UTY: variants seen among roughly 807,000 people sequenced by gnomAD.
UTY encodes ubiquitously transcribed tetratricopeptide repeat containing, Y-linked.
A neutral mutation model predicts 32.5 loss-of-function variants in UTY; 12 were observed. That is an observed-to-expected ratio of 0.37 (90% CI 0.24 to 0.60). The LOEUF is 0.60. Ranked by LOEUF, UTY falls within the 20% of genes least tolerant of loss-of-function variation. The pLI is 0.69. For synonymous variants in UTY, 131 were observed against 103.4 expected (o/e 1.27, Z -1.62); for missense variants, 303 against 299.2 (o/e 1.01, Z -0.09).
intron 6 of UTY, among the ~76,000 whole-genome samples, chrY:13,409,617 C>G: frequency 3.0e-5 from 1 of 33,469 alleles, no homozygotes; most frequent in South Asian, 6.6e-4. Flanking sequence ...TCTCTGAAGT[C>G]CTTGGAATAT....
intron 28 of UTY, among the ~76,000 whole-genome samples, chrY:13,253,155 T>A (rs777537947): frequency 3.0e-5 from 1 of 33,471 alleles, no homozygotes; most frequent in South Asian, 6.8e-4. Flanking sequence ...GTGGTGAGTA[T>A]GAAGGGGAGC....
chrY:13,466,345 C>T, intron 3 of UTY, among the ~76,000 whole-genome samples: 2 of 33,144 alleles, frequency 6.0e-5, no homozygotes, highest in South Asian at 6.6e-4. Flanking sequence ...AAAAAAACAC[C>T]GAATTCCTTT....
At chrY:13,364,657 A>G (rs2063916676) in intron 10 of UTY, among the ~76,000 whole-genome samples, 4 of 33,822 alleles carry the variant, frequency 1.2e-4, no homozygotes, top group African/African-American at 2.3e-4. Flanking sequence ...TGGACTATCA[A>G]TGATTCCACA....
chrY:13,335,379 T>C, intron 18 of UTY, among the ~76,000 whole-genome samples, 184 bp downstream of exon 18: 3 of 32,975 alleles, frequency 9.1e-5, no homozygotes, highest in Admixed American at 5.5e-4. Flanking sequence ...ACTTTCAACA[T>C]AATAAATTTC....
chrY:13,464,372 T>TC (rs2077692436), intron 3 of UTY, among the ~76,000 whole-genome samples: 7 of 33,847 alleles, frequency 2.1e-4, no homozygotes, highest in Non-Finnish European at 4.4e-4. Context: ...GGTGGGCCTT[T>TC]CTCTGACTTC....
intron 17 of UTY, among the ~76,000 whole-genome samples, chrY:13,341,968 G>T: frequency 3.0e-5 from 1 of 33,111 alleles, no homozygotes. Flanking sequence ...CCCGAGAAGG[G>T]GACATGACTT....
At chrY:13,375,853 C>G in intron 8 of UTY, among the ~76,000 whole-genome samples, 1 of 33,220 alleles carries the variant, frequency 3.0e-5, no homozygotes, top group Non-Finnish European at 7.4e-5. Context: ...TTGAGTAATA[C>G]GTAAAGTCTG....
intron 27 of UTY, among the ~76,000 whole-genome samples, chrY:13,292,010 T>C (rs957775486): frequency 3.0e-5 from 1 of 33,296 alleles, no homozygotes; most frequent in Non-Finnish European, 7.4e-5. Flanking sequence ...CTGAAAGCCT[T>C]TCCTTTAAGA....
chrY:13,357,556 A>G (rs2063068987), intron 15 of UTY, among the ~76,000 whole-genome samples: 2 of 32,552 alleles, frequency 6.1e-5, no homozygotes, highest in Non-Finnish European at 1.5e-4. Context: ...GTCTCAAAAA[A>G]AAAAAACAAT....
chrY:13,234,632 A>G (rs1287706840), exon 29 of UTY: 1 of 135,138 alleles, frequency 7.4e-6, no homozygotes, highest in East Asian at 1.7e-4. Context: ...GCCCTGGATC[A>G]GGAAGCTCCT....
At chrY:13,313,964 C>A in intron 21 of UTY, among the ~76,000 whole-genome samples, 2 of 33,355 alleles carry the variant, frequency 6.0e-5, no homozygotes, top group East Asian at 1.6e-3. Context: ...CCAAGTGTTG[C>A]AGTTTCTCCC....
In UTY at chrY:13,396,958, G is replaced by A; in HGVS notation, c.570C>T (p.Ala190=). 1 of 365,958 alleles carries A rather than the reference G, an allele frequency of 2.7e-6. No homozygotes were observed. 91.3% of individuals were successfully genotyped at this position (365,958 alleles called of 400,897 possible). A position where few individuals can be genotyped will look rare whatever the true frequency, so the allele number is the denominator to read the frequency against. ...YKSSLKHFQL[A]LIDCNPCTLS... ...AAGTACATGGATTACAGTCAATCAA[G>A]GCTAACTGAAAATGCTGCAAGAGAA... Residue 190 remains alanine, a synonymous_variant, in exon 7 of 30, where the codon GCC becomes GCT. Transcript: ENST00000545955.
At chrY:13,299,774 A>T in intron 25 of UTY, among the ~76,000 whole-genome samples, 1 of 33,617 alleles carries the variant, frequency 3.0e-5, no homozygotes. Flanking sequence ...ATCAGCTTAA[A>T]CTTACTGTTC....
At chrY:13,428,315 T>A in intron 4 of UTY, among the ~76,000 whole-genome samples, 1 of 33,891 alleles carries the variant, frequency 3.0e-5, no homozygotes, top group South Asian at 6.4e-4. Context: ...CTATAATTTT[T>A]ATAGATACAA....
At chrY:13,449,672 C>G in intron 3 of UTY, among the ~76,000 whole-genome samples, 1 of 32,867 alleles carries the variant, frequency 3.0e-5, no homozygotes. Flanking sequence ...TTAATAATGA[C>G]AAAACTAGGA....
At chrY:13,361,766 T>C (rs773470733) in intron 10 of UTY, among the ~76,000 whole-genome samples, 2 of 33,633 alleles carry the variant, frequency 5.9e-5, no homozygotes, top group East Asian at 1.6e-3. Context: ...GTCAGAGATT[T>C]TAATTTGGAA....
intron 28 of UTY, among the ~76,000 whole-genome samples, chrY:13,241,637 A>C (rs1603220863): frequency 5.8e-5 from 2 of 34,308 alleles, no homozygotes; most frequent in East Asian, 1.5e-3. Context: ...CAAGAAGACC[A>C]AATAAAATTA....
chrY:13,373,297 T>C, intron 8 of UTY, among the ~76,000 whole-genome samples: 1 of 33,954 alleles, frequency 2.9e-5, no homozygotes, highest in East Asian at 7.7e-4. Context: ...GATCCATTTG[T>C]GTGATGTATC....
chrY:13,377,853 T>C, intron 8 of UTY, among the ~76,000 whole-genome samples: 2 of 33,710 alleles, frequency 5.9e-5, no homozygotes, highest in African/African-American at 2.3e-4. Flanking sequence ...GAAAAGACTT[T>C]TCAACATAAA....
Sources: gnomAD v4.1 joint callset for allele counts (sites outside exome capture counted in the v4.1 genomes callset) on GRCh38, gnomAD v4.1.1 for gene constraint, MANE v1.5 for transcripts, NCBI Gene and HGNC (gene_info 2026-07-23, HGNC 2026-07-21) for gene names.